The following ATP2B1 variants were observed in gnomAD, a reference collection of about 807,000 sequenced individuals.
The protein encoded by ATP2B1 is ATPase plasma membrane Ca2+ transporting 1.
In ATP2B1, 14 loss-of-function variants were observed where a neutral mutation model predicts 124.2. That is an observed-to-expected ratio of 0.11 (90% CI 0.07 to 0.18). The LOEUF (loss-of-function observed/expected upper bound fraction) is 0.18. Among genes scored for constraint, ATP2B1 ranks in the 10% least tolerant of loss-of-function variants. The pLI is 1.00. For synonymous variants in ATP2B1, 449 were observed against 492.4 expected (o/e 0.91, Z 1.17); for missense variants, 763 against 1,466.1 (o/e 0.52, Z 7.83).
intron 6 of ATP2B1, among the ~76,000 whole-genome samples, chr12:89,629,472 C>T (rs1439346895): frequency 2.0e-5 from 3 of 152,038 alleles, no homozygotes; most frequent in Non-Finnish European, 4.4e-5. Flanking sequence ...TCAAGGAGGA[C>T]ATAGAAAAAA....
chr12:89,644,189 CA>C (rs1457027274), intron 2 of ATP2B1, among the ~76,000 whole-genome samples: 1 of 152,046 alleles, frequency 6.6e-6, no homozygotes, highest in Non-Finnish European at 1.5e-5. Flanking sequence ...AGGATAACAT[CA>C]TTTTTGACTT....
At chr12:89,625,004 G>T (rs936715517) in intron 8 of ATP2B1, among the ~76,000 whole-genome samples, 1 of 152,188 alleles carries the variant, frequency 6.6e-6, no homozygotes, top group Non-Finnish European at 1.5e-5. Flanking sequence ...GGGCGCAGTG[G>T]CTCACGCCTG....
intron 20 of ATP2B1, among the ~76,000 whole-genome samples, chr12:89,597,468 ACTGTG>A (rs1874853014): frequency 1.3e-5 from 2 of 152,164 alleles, no homozygotes; most frequent in Non-Finnish European, 2.9e-5. Context: ...GACAGTTCTT[ACTGTG>A]CCTGTTTCAC....
At chr12:89,600,356 ATAAAT>A (rs1161073458) in intron 19 of ATP2B1, among the ~76,000 whole-genome samples, 2 of 152,216 alleles carry the variant, frequency 1.3e-5, no homozygotes, top group Non-Finnish European at 2.9e-5. Flanking sequence ...TAGATTTTCT[ATAAAT>A]TAGTTTTATA....
Position 89,672,843 on chromosome 12 carries a change from G to A in ATP2B1, c.-221-16736C>T, listed in dbSNP as rs191083131. 1.8e-4 allele frequency among the ~76,000 whole-genome samples: 27 copies of A among 152,160 alleles called. No homozygotes were observed. The East Asian group carries it at 3.9e-3, about 22-fold the overall frequency. ...CTGTGAATCATATTAAGTCTAGTGCGGTTATCTGTATACACTTGAGGTACT... is the reference window on the plus strand; with the variant it reads ...CTGTGAATCATATTAAGTCTAGTGCAGTTATCTGTATACACTTGAGGTACT... On this transcript the variant is annotated intron_variant, in intron 1 of 20. Transcript: ENST00000428670.
intron 2 of ATP2B1, among the ~76,000 whole-genome samples, chr12:89,644,901 T>C (rs1456242117): frequency 6.6e-6 from 1 of 152,234 alleles, no homozygotes; most frequent in Non-Finnish European, 1.5e-5. Context: ...GCCACAGAGC[T>C]AAAGATAGCT....
At chr12:89,653,283 CTTTTTTTTTT>C (rs149270069) in intron 2 of ATP2B1, among the ~76,000 whole-genome samples, 6 of 76,110 alleles carry the variant, frequency 7.9e-5, no homozygotes, top group East Asian at 7.9e-4. Flanking sequence ...GAATTTTTTT[CTTTTTTTTTT>C]TTTTTTTTTT....
rs1211860120 is a variant in ATP2B1, at chr12:89,631,310, G to A, written c.788-665C>T. Among the ~76,000 whole-genome samples, 3 of 152,218 alleles carry A rather than the reference G, an allele frequency of 2.0e-5. No homozygotes were observed. In the East Asian group the frequency reaches 5.8e-4, roughly 29 times the overall value. On this transcript the variant is annotated intron_variant, in intron 5 of 20. Transcript: ENST00000428670. ...AGCATACTGCCTAGAATTTGTAGGGGTTCAATGAATGCTCATTAATTGTAA... is the reference window on the plus strand; with the variant it reads ...AGCATACTGCCTAGAATTTGTAGGGATTCAATGAATGCTCATTAATTGTAA...
rs539491007 is a variant in ATP2B1 at position 89,603,592 on chromosome 12, T to A, written c.2848+120A>T. 3.9e-4 allele frequency: 391 copies of A among 1,003,850 alleles called. 2 individuals carry two copies. The African/African-American group carries it at 5.9e-3, about 15-fold the overall frequency. The allele number at this position is 1,003,850 out of a possible 1,614,324, so 62.2% of individuals were successfully genotyped here. On this transcript the variant is annotated intron_variant, in intron 17 of 20. Coordinates refer to ENST00000428670, the MANE Select transcript of ATP2B1 (RefSeq NM_001366521.1). The surrounding 1 kb of genome is among the most constrained non-coding windows in gnomAD (Gnocchi z 4.3). ...TCACTGATTAAGAAGAAATTAAAGA[T>A]AAATGGGAAGTCAGGAGTAGAATTT...
chr12:89,707,574 AGCGCTCT>A (rs2136929964), intron 1 of ATP2B1, among the ~76,000 whole-genome samples: 1 of 152,346 alleles, frequency 6.6e-6, no homozygotes, highest in Non-Finnish European at 1.5e-5. Flanking sequence ...GGCTGTCTGC[AGCGCTCT>A]AACCCAAAGA....
At chr12:89,686,496 C>T (rs1889987858) in intron 1 of ATP2B1, among the ~76,000 whole-genome samples, 1 of 151,930 alleles carries the variant, frequency 6.6e-6, no homozygotes, top group Admixed American at 6.6e-5. Flanking sequence ...TGTATTTTGC[C>T]TTTTATCCAA....
chr12:89,652,920 G>C (rs1466748594), intron 2 of ATP2B1, among the ~76,000 whole-genome samples: 1 of 152,028 alleles, frequency 6.6e-6, no homozygotes, highest in Non-Finnish European at 1.5e-5. Context: ...GCAGAGATGG[G>C]GTTTTGCTAT....
intron 3 of ATP2B1, among the ~76,000 whole-genome samples, chr12:89,637,190 G>C (rs1882838267): frequency 6.6e-6 from 1 of 152,140 alleles, no homozygotes; most frequent in South Asian, 2.1e-4. Context: ...TCAGACAATG[G>C]AATTTACCAG....
At chr12:89,648,134 T>C (rs1172709282) in intron 2 of ATP2B1, among the ~76,000 whole-genome samples, 1 of 152,182 alleles carries the variant, frequency 6.6e-6, no homozygotes, top group East Asian at 1.9e-4. Context: ...GGGGCACTGC[T>C]ATAAAGATAC....
At position 89,603,946 on chromosome 12, in the gene ATP2B1, A is replaced by G. The variant is rs1410165868; in HGVS notation, c.2635-21T>C. On this transcript the variant is annotated intron_variant, in intron 16 of 20. Transcript: ENST00000428670. The surrounding 1 kb of genome is among the most constrained non-coding windows in gnomAD (Gnocchi z 4.3). Reference sequence around the variant, plus strand: ...GAGTCCTAGAAAAGATATGTTTCCTAATAGACATTCACAACTACTCAGGGG... The same window carrying G: ...GAGTCCTAGAAAAGATATGTTTCCTGATAGACATTCACAACTACTCAGGGG... The G allele has an allele frequency of 3.1e-6, 5 of 1,608,528 alleles. No individual in the cohort carries two copies. The South Asian group carries it at 5.5e-5, about 18-fold the overall frequency.
chr12:89,664,164 A>C (rs1887024968), intron 1 of ATP2B1, among the ~76,000 whole-genome samples: 1 of 152,136 alleles, frequency 6.6e-6, no homozygotes. Flanking sequence ...TCTTATCCTA[A>C]AGGCCCAAGC....
Position 89,668,273 on chromosome 12 carries a change from T to C in ATP2B1, c.-221-12166A>G, listed in dbSNP as rs376463169. Among the ~76,000 whole-genome samples the C allele has an allele frequency of 4.7e-4, 71 of 152,332 alleles. 1 individual carries two copies. The South Asian group carries it at 0.014, about 29-fold the overall frequency. On this transcript the variant is annotated intron_variant, in intron 1 of 20. Transcript: ENST00000428670. ...AGTAGCCACAACTCATGTTCTTTTA[T>C]AGCCCCTACAGAGGCTAACAGATTG...
chr12:89,678,034 A>G (rs1223236013), intron 1 of ATP2B1, among the ~76,000 whole-genome samples: 1 of 148,724 alleles, frequency 6.7e-6, no homozygotes, highest in Non-Finnish European at 1.5e-5. Flanking sequence ...AGAATGGAGA[A>G]ATCATTTAAA....
chr12:89,625,818 T>C (rs541193652), intron 8 of ATP2B1, among the ~76,000 whole-genome samples: 1 of 152,254 alleles, frequency 6.6e-6, no homozygotes, highest in African/African-American at 2.4e-5. Context: ...AAAACGTCAC[T>C]TTTTCCATCA....
Sources: allele counts gnomAD v4.1 joint callset (sites outside exome capture counted in the v4.1 genomes callset), GRCh38; gene constraint gnomAD v4.1.1; non-coding constraint Gnocchi (gnomAD v3.1); transcripts MANE v1.5; gene names NCBI Gene and HGNC (gene_info 2026-07-23, HGNC 2026-07-21).